Variants in TBC1D1 observed in about 807,000 individuals in gnomAD.
TBC1D1 encodes the protein TBC1 (tre-2/USP6, BUB2, cdc16) domain family, member 1.
A neutral mutation model predicts 125.6 loss-of-function variants in TBC1D1; 89 were observed. The observed-to-expected ratio is 0.71, with a 90% CI of 0.60 to 0.85. TBC1D1 has a LOEUF of 0.85. Among genes scored for constraint, TBC1D1 ranks in the 40% least tolerant of loss-of-function variants. The probability of loss-of-function intolerance (pLI) is 0.00; values close to 1 mark genes in which losing one functional copy is unlikely to be tolerated. For missense variants in TBC1D1, 1,377 were observed against 1,469.2 expected (o/e 0.94, Z 1.03); for synonymous variants, 565 against 564.1 (o/e 1.00, Z -0.02).
chr4:38,041,388 AGAGAAACT>A (rs1158824548), intron 8 of TBC1D1, among the ~76,000 whole-genome samples: 3 of 152,236 alleles, frequency 2.0e-5, no homozygotes, highest in African/African-American at 4.8e-5. Flanking sequence ...CATTCAGGGA[AGAGAAACT>A]TGATAATATC....
chr4:38,111,621 T>C (rs985995528), intron 15 of TBC1D1, among the ~76,000 whole-genome samples: 2 of 152,240 alleles, frequency 1.3e-5, no homozygotes. Context: ...TCATTCTGTT[T>C]TGCTTGTTAT....
At chr4:37,983,732 T>C (rs889801813) in intron 2 of TBC1D1, among the ~76,000 whole-genome samples, 1 of 152,374 alleles carries the variant, frequency 6.6e-6, no homozygotes, top group East Asian at 1.9e-4. Context: ...TTGTTACAAC[T>C]GATGAATCTA....
chr4:37,983,421 C>T (rs756208781), intron 2 of TBC1D1, among the ~76,000 whole-genome samples: 17 of 152,132 alleles, frequency 1.1e-4, no homozygotes, highest in Non-Finnish European at 1.9e-4. Context: ...CATCCCTCCC[C>T]CAAACTCTTA....
rs763657871 is a variant in TBC1D1 at position 38,095,931 on chromosome 4, T to G, written c.2239T>G (p.Ser747Ala). 1 of 1,613,114 alleles carries G rather than the reference T, an allele frequency of 6.2e-7. No individual in the cohort carries two copies. Among genetic ancestry groups the G allele is most frequent in the Non-Finnish European group, 8.5e-7 (1 of 1,179,564 alleles). Residue 747 changes from serine to alanine, a missense_variant and splice_region_variant, in exon 14 of 20, where the codon TCT becomes GCT. By Grantham distance (99) the Ser-to-Ala change is moderately conservative. Coordinates refer to ENST00000261439, the MANE Select transcript of TBC1D1 (RefSeq NM_015173.4). Reference sequence around the variant, plus strand: ...CGCTCTGGAATGGTCTATTCCAGCCTCTGAAAATGATTTGCTGAACAAGCG... The same window carrying G: ...CGCTCTGGAATGGTCTATTCCAGCCGCTGAAAATGATTTGCTGAACAAGCG...
At chr4:37,947,157 A>T (rs1726874108) in intron 2 of TBC1D1, among the ~76,000 whole-genome samples, 1 of 151,978 alleles carries the variant, frequency 6.6e-6, no homozygotes, top group African/African-American at 2.4e-5. Context: ...TCATTTATTT[A>T]TGTGTTTATT....
At chr4:38,008,510 A>G (rs1740809586) in intron 2 of TBC1D1, among the ~76,000 whole-genome samples, 1 of 152,228 alleles carries the variant, frequency 6.6e-6, no homozygotes, top group South Asian at 2.1e-4. Context: ...GAAGCTGAAT[A>G]ATGCTACTTC....
chr4:37,930,609 G>A (rs1462704335), intron 2 of TBC1D1, among the ~76,000 whole-genome samples: 1 of 151,930 alleles, frequency 6.6e-6, no homozygotes, highest in African/African-American at 2.4e-5. Flanking sequence ...TTACAGATGT[G>A]TGCCACTGCA....
intron 2 of TBC1D1, among the ~76,000 whole-genome samples, chr4:37,903,127 C>T (rs1350030772): frequency 2.0e-5 from 3 of 152,076 alleles, no homozygotes; most frequent in Admixed American, 6.5e-5. Context: ...AGTTTTGATG[C>T]GATCAGGGGT....
At chr4:38,079,178 C>T (rs182736610) in intron 12 of TBC1D1, among the ~76,000 whole-genome samples, 203 of 152,166 alleles carry the variant, frequency 1.3e-3, no homozygotes, top group African/African-American at 4.5e-3. Context: ...GTTGAGAAAT[C>T]GTGATCTTAG....
chr4:38,125,382 A>G (rs1275923944), intron 18 of TBC1D1, among the ~76,000 whole-genome samples: 1 of 152,232 alleles, frequency 6.6e-6, no homozygotes, highest in Non-Finnish European at 1.5e-5. Flanking sequence ...ACAGGTTATT[A>G]GTAGTTTCTT....
At chr4:38,017,933 C>T (rs751623076) in intron 3 of TBC1D1, among the ~76,000 whole-genome samples, 2 of 152,160 alleles carry the variant, frequency 1.3e-5, no homozygotes, top group Admixed American at 6.5e-5. Context: ...TATGTGAATG[C>T]CTCACATGTA....
intron 10 of TBC1D1, among the ~76,000 whole-genome samples, chr4:38,048,097 A>G (rs1169908047): frequency 6.6e-6 from 1 of 152,164 alleles, no homozygotes; most frequent in Non-Finnish European, 1.5e-5. Context: ...GCTTGTATGT[A>G]TTGTATATGT....
intron 12 of TBC1D1, among the ~76,000 whole-genome samples, chr4:38,078,311 A>T (rs536576330): frequency 6.6e-6 from 1 of 152,282 alleles, no homozygotes. Context: ...CTTTAAACAT[A>T]TTCCTTTTTT....
At chr4:38,136,330 GA>G (rs1369390103) in intron 19 of TBC1D1, among the ~76,000 whole-genome samples, 4 of 152,186 alleles carry the variant, frequency 2.6e-5, no homozygotes, top group African/African-American at 9.7e-5. Context: ...TGGAAGAGAG[GA>G]TATTGCTTGT....
chr4:37,923,028 A>G (rs1360257159), intron 2 of TBC1D1, among the ~76,000 whole-genome samples: 1 of 152,112 alleles, frequency 6.6e-6, no homozygotes, highest in African/African-American at 2.4e-5. Context: ...ACATAAGTAT[A>G]CATGTACTAT....
intron 2 of TBC1D1, among the ~76,000 whole-genome samples, chr4:37,948,352 C>T (rs1274243099): frequency 2.6e-5 from 4 of 152,154 alleles, no homozygotes; most frequent in African/African-American, 9.7e-5. Flanking sequence ...TGAGGCTGGG[C>T]GTGGTGGCTC....
chr4:38,009,766 A>G (rs1308023267), intron 2 of TBC1D1, among the ~76,000 whole-genome samples: 2 of 152,230 alleles, frequency 1.3e-5, no homozygotes, highest in African/African-American at 4.8e-5. Context: ...TTCAAAATTG[A>G]GTTTTAGTAT....
chr4:38,029,397 C>T (rs1220382000), intron 7 of TBC1D1, among the ~76,000 whole-genome samples: 3 of 152,140 alleles, frequency 2.0e-5, no homozygotes, highest in African/African-American at 4.8e-5. Flanking sequence ...GACAGAGTCT[C>T]GCTCTGTTGC....
intron 8 of TBC1D1, among the ~76,000 whole-genome samples, chr4:38,039,842 G>A (rs1041281298): frequency 3.3e-5 from 5 of 152,140 alleles, no homozygotes; most frequent in African/African-American, 9.7e-5. Context: ...GGCCAGGCAC[G>A]GTGGCTCACG....
Sources: gnomAD v4.1 joint callset for allele counts (sites outside exome capture counted in the v4.1 genomes callset) on GRCh38, gnomAD v4.1.1 for gene constraint, MANE v1.5 for transcripts, NCBI Gene and HGNC (gene_info 2026-07-23, HGNC 2026-07-21) for gene names.